PDSS2: variants seen among roughly 807,000 people sequenced by gnomAD.
The protein encoded by PDSS2 is all trans-polyprenyl-diphosphate synthase PDSS2.
A neutral mutation model predicts 44.5 loss-of-function variants in PDSS2; 31 were observed. The ratio of observed to expected loss-of-function variants is 0.70; its 90% CI spans 0.52 to 0.94. The LOEUF is 0.94. Among genes scored for constraint, PDSS2 ranks in the 40% least tolerant of loss-of-function variants. The pLI is 0.00. For missense variants in PDSS2, 452 were observed against 482.2 expected (o/e 0.94, Z 0.59); for synonymous variants, 157 against 180.3 (o/e 0.87, Z 1.03).
intron 2 of PDSS2, among the ~76,000 whole-genome samples, chr6:107,307,523 C>CA (rs1177139025): frequency 7.0e-6 from 1 of 142,298 alleles, no homozygotes; most frequent in East Asian, 2.0e-4. Flanking sequence ...CTTTTTAAGC[C>CA]TTTTTTTTTT....
intron 1 of PDSS2, among the ~76,000 whole-genome samples, chr6:107,405,165 C>T (rs1294751773): frequency 6.6e-6 from 1 of 151,412 alleles, no homozygotes; most frequent in Non-Finnish European, 1.5e-5. Flanking sequence ...CTGTCAACTA[C>T]AAATTTTGTA....
chr6:107,376,666 A>C (rs949499902), intron 1 of PDSS2, among the ~76,000 whole-genome samples: 2 of 151,962 alleles, frequency 1.3e-5, no homozygotes, highest in African/African-American at 4.8e-5. Flanking sequence ...GGGCTGAGAC[A>C]ATGGGGTTTT....
intron 2 of PDSS2, among the ~76,000 whole-genome samples, chr6:107,278,483 G>A (rs964153026): frequency 3.3e-5 from 5 of 152,160 alleles, no homozygotes; most frequent in African/African-American, 4.8e-5. Flanking sequence ...AAAAAAGTCC[G>A]CATTATCACA....
Position 107,255,198 on chromosome 6 carries a change from A to T in PDSS2, c.631-9579T>A, listed in dbSNP as rs1006031465. Among the ~76,000 whole-genome samples, 31 of 126,382 alleles carry T rather than the reference A, an allele frequency of 2.5e-4. No individual in the cohort carries two copies. In the South Asian group the frequency reaches 2.5e-3, roughly 10 times the overall value. 82.9% of individuals were successfully genotyped at this position (126,382 alleles called of 152,430 possible). A position where few individuals can be genotyped will look rare whatever the true frequency, so the allele number is the denominator to read the frequency against. On this transcript the variant is annotated intron_variant, in intron 3 of 7. Coordinates refer to ENST00000369037, the MANE Select transcript of PDSS2 (RefSeq NM_020381.4). ...ATTATGTAATTTTCTATTGCATTCT[A>T]TTTTTTTTTTTTTTTTGAGATGGAG...
At chr6:107,263,794 A>G (rs982375033) in intron 3 of PDSS2, among the ~76,000 whole-genome samples, 5 of 152,254 alleles carry the variant, frequency 3.3e-5, no homozygotes, top group African/African-American at 1.2e-4. Flanking sequence ...AAATCAGAAA[A>G]AAACTGAAGA....
At chr6:107,285,594 C>T (rs558285940) in intron 2 of PDSS2, among the ~76,000 whole-genome samples, 48 of 151,914 alleles carry the variant, frequency 3.2e-4, no homozygotes, top group African/African-American at 1.1e-3. Context: ...TAATTATTTA[C>T]GATAAAAATA....
chr6:107,317,847 C>T (rs574878540), intron 2 of PDSS2, among the ~76,000 whole-genome samples: 8 of 152,092 alleles, frequency 5.3e-5, no homozygotes, highest in Admixed American at 2.0e-4. Context: ...GTTTGGGGTA[C>T]GCAGATCTTT....
intron 1 of PDSS2, among the ~76,000 whole-genome samples, chr6:107,383,047 A>T (rs542729850): frequency 9.2e-5 from 14 of 152,102 alleles, no homozygotes; most frequent in Non-Finnish European, 1.8e-4. Context: ...CACATCTGTA[A>T]TCCCAACACT....
At chr6:107,401,000 C>T (rs1780090075) in intron 1 of PDSS2, among the ~76,000 whole-genome samples, 2 of 152,194 alleles carry the variant, frequency 1.3e-5, no homozygotes, top group Non-Finnish European at 2.9e-5. Context: ...TAATCCATAG[C>T]CCAGCCCGTT....
chr6:107,252,482 C>G (rs559193547), intron 3 of PDSS2, among the ~76,000 whole-genome samples: 1 of 152,308 alleles, frequency 6.6e-6, no homozygotes, highest in East Asian at 1.9e-4. Context: ...AGAGAAATGG[C>G]ACTACCAACA....
At chr6:107,312,789 A>G (rs956712478) in intron 2 of PDSS2, among the ~76,000 whole-genome samples, 16 of 152,192 alleles carry the variant, frequency 1.1e-4, no homozygotes, top group African/African-American at 3.9e-4. Context: ...AGGAAAACTA[A>G]TATTTACTGA....
At chr6:107,273,959 T>A in intron 3 of PDSS2, 70 bp downstream of exon 3, 1 of 1,219,340 alleles carries the variant, frequency 8.2e-7, no homozygotes, top group East Asian at 2.3e-5. Context: ...CACACAGACC[T>A]GCAGCTCCAG....
intron 7 of PDSS2, among the ~76,000 whole-genome samples, chr6:107,171,343 G>A (rs1173720667): frequency 6.6e-6 from 1 of 151,260 alleles, no homozygotes; most frequent in African/African-American, 2.4e-5. Context: ...TGTATTTTTT[G>A]TAGAGATGGG....
chr6:107,433,251 C>A (rs577959315), intron 1 of PDSS2, among the ~76,000 whole-genome samples: 182 of 99,724 alleles, frequency 1.8e-3, no homozygotes, highest in Non-Finnish European at 2.5e-3. Context: ...ACATTCTTCA[C>A]AGAAACAGAA....
At chr6:107,177,030 C>T (rs1489801209) in intron 7 of PDSS2, among the ~76,000 whole-genome samples, 1 of 150,986 alleles carries the variant, frequency 6.6e-6, no homozygotes, top group African/African-American at 2.4e-5. Flanking sequence ...GCAGACATGC[C>T]TGCTCTCAAA....
rs1186435675 is a variant in PDSS2 at position 107,240,988 on chromosome 6, G to A, written c.702+4560C>T. 3.9e-5 allele frequency among the ~76,000 whole-genome samples: 6 copies of A among 152,108 alleles called. No homozygotes were observed. In the East Asian group the frequency reaches 1.2e-3, roughly 30 times the overall value. On this transcript the variant is annotated intron_variant, in intron 4 of 7. Coordinates refer to ENST00000369037, the MANE Select transcript of PDSS2 (RefSeq NM_020381.4). ...TCAACTTACTTAGTACAGTAAGTAT[G>A]AGTAAGTAATAGCACTTTGGGAGGC...
intron 1 of PDSS2, among the ~76,000 whole-genome samples, chr6:107,350,326 C>T (rs376782530): frequency 1.3e-5 from 2 of 152,146 alleles, no homozygotes; most frequent in Non-Finnish European, 1.5e-5. Context: ...GCAGGAAAAA[C>T]GTTGGTGGGT....
intron 1 of PDSS2, among the ~76,000 whole-genome samples, chr6:107,346,156 T>C (rs760343478): frequency 9.2e-5 from 14 of 152,228 alleles, no homozygotes; most frequent in Non-Finnish European, 8.8e-5. Flanking sequence ...GAATGGCACC[T>C]AGTGAATGAA....
intron 1 of PDSS2, among the ~76,000 whole-genome samples, chr6:107,433,706 T>G (rs550730625): frequency 3.3e-5 from 5 of 152,352 alleles, no homozygotes; most frequent in Admixed American, 2.6e-4. Context: ...GACACTTGCC[T>G]GGGCAAAGAT....
Sources: gnomAD v4.1 joint callset for allele counts (sites outside exome capture counted in the v4.1 genomes callset) on GRCh38, gnomAD v4.1.1 for gene constraint, MANE v1.5 for transcripts, NCBI Gene and HGNC (gene_info 2026-07-23, HGNC 2026-07-21) for gene names.